The following TECR variants were observed in gnomAD, a reference collection of about 807,000 sequenced individuals.
The protein encoded by TECR is trans-2,3-enoyl-CoA reductase, also known as very-long-chain enoyl-CoA reductase.
In TECR, 19 loss-of-function variants were observed where a neutral mutation model predicts 50.6. The observed-to-expected ratio is 0.38, with a 90% CI of 0.26 to 0.55. The LOEUF is 0.55. Among genes scored for constraint, TECR ranks in the 20% least tolerant of loss-of-function variants. The probability of loss-of-function intolerance (pLI) is 0.79; values close to 1 mark genes in which losing one functional copy is unlikely to be tolerated. For synonymous variants in TECR, 168 were observed against 163.5 expected (o/e 1.03, Z -0.21); for missense variants, 313 against 408.3 (o/e 0.77, Z 2.01).
intron 1 of TECR, chr19:14,562,018 T>G (rs1297763495): frequency 3.7e-6 from 1 of 272,884 alleles, no homozygotes; most frequent in Non-Finnish European, 7.0e-6. Context: ...CCCCTGGGGC[T>G]TTCCCTGTGC....
Position 14,537,033 on chromosome 19 carries a change from G to A in TECR, c.15+7322G>A, listed in dbSNP as rs183336869. 9.5e-3 allele frequency among the ~76,000 whole-genome samples: 1,392 copies of A among 146,768 alleles called. 16 individuals carry two copies. Among genetic ancestry groups the A allele is most frequent in the Admixed American group, 0.014 (209 of 14,440 alleles). On this transcript the variant is annotated intron_variant, in intron 1 of 12. Coordinates refer to ENST00000215567, the MANE Select transcript of TECR (RefSeq NM_138501.6). Reference sequence around the variant, plus strand: ...AGGACGGGGAGGGGTGTCGAGGAGGGGGAGGCGGGTCCCAAGGAGTAGGAG... The same window carrying A: ...AGGACGGGGAGGGGTGTCGAGGAGGAGGAGGCGGGTCCCAAGGAGTAGGAG...
At chr19:14,529,764 CT>C (rs1462951842) in intron 1 of TECR, 53 bp downstream of exon 1, 23 of 1,613,216 alleles carry the variant, frequency 1.4e-5, no homozygotes, top group Non-Finnish European at 1.9e-5. Context: ...ATTCTTTTTC[CT>C]TCTTTGCGGG....
chr19:14,534,573 T>A (rs1023423926), intron 1 of TECR, among the ~76,000 whole-genome samples: 16 of 151,168 alleles, frequency 1.1e-4, no homozygotes, highest in Non-Finnish European at 1.5e-5. Flanking sequence ...GTAGCTGTTA[T>A]TACAGGTGGG....
At chr19:14,543,419 ATTTTTT>A (rs1169742953) in intron 1 of TECR, among the ~76,000 whole-genome samples, 8 of 21,854 alleles carry the variant, frequency 3.7e-4, no homozygotes, top group East Asian at 1.5e-3. Context: ...ATATATATAT[ATTTTTT>A]TTTTTTTTTT....
At chr19:14,562,926 G>A (rs753430647) in intron 2 of TECR, among the ~76,000 whole-genome samples, 2 of 152,038 alleles carry the variant, frequency 1.3e-5, no homozygotes, top group Non-Finnish European at 2.9e-5. Context: ...GGAGAGGAGG[G>A]GCAGAGAAGC....
In TECR at chr19:14,541,534, C is replaced by T. The variant is rs1009494249; in HGVS notation, c.15+11823C>T. Among the ~76,000 whole-genome samples, 5 of 152,198 alleles carry T rather than the reference C, an allele frequency of 3.3e-5. No homozygotes were observed. In the South Asian group the frequency reaches 6.2e-4, roughly 19 times the overall value. On this transcript the variant is annotated intron_variant, in intron 1 of 12. Transcript: ENST00000215567. ...TCATTTGTTCCAACATGTTTTTTCC[C>T]TCTTATCAATGCTAAGAATCGTGGG... is the stretch of plus-strand genomic sequence containing the variant.
chr19:14,549,172 A>G (rs2073403741), intron 1 of TECR, among the ~76,000 whole-genome samples: 1 of 145,126 alleles, frequency 6.9e-6, no homozygotes. Context: ...CTAAGCCATC[A>G]TTACCTTCAC....
chr19:14,531,558 A>G, intron 1 of TECR: 1 of 151,280 alleles, frequency 6.6e-6, no homozygotes, highest in Non-Finnish European at 1.5e-5. Flanking sequence ...GAGTAGCCGG[A>G]ATTACAGTCA....
intron 1 of TECR, among the ~76,000 whole-genome samples, chr19:14,555,830 C>T (rs1568420520): frequency 6.6e-6 from 1 of 152,192 alleles, no homozygotes; most frequent in Non-Finnish European, 1.5e-5. Context: ...AAGTGATCAT[C>T]CTGTCTCAGC....
At chr19:14,546,683 A>T (rs943167227) in intron 1 of TECR, among the ~76,000 whole-genome samples, 2 of 151,862 alleles carry the variant, frequency 1.3e-5, no homozygotes, top group African/African-American at 2.4e-5. Flanking sequence ...CTTAAACATT[A>T]TTTTTTCTTT....
At chr19:14,549,006 G>A (rs2073397091) in intron 1 of TECR, among the ~76,000 whole-genome samples, 1 of 137,492 alleles carries the variant, frequency 7.3e-6, no homozygotes. Flanking sequence ...TCATGAAATA[G>A]GTTTCTTTGA....
rs747503834 is a variant in TECR, at chr19:14,555,438, C to CTT, written c.16-7062_16-7061dup. Among the ~76,000 whole-genome samples, 167 of 92,880 alleles carry CTT rather than the reference C, an allele frequency of 1.8e-3. 5 individuals carry two copies. Among genetic ancestry groups the CTT allele is most frequent in the Non-Finnish European group, 2.8e-3 (129 of 46,820 alleles). 60.9% of individuals were successfully genotyped at this position (92,880 alleles called of 152,430 possible). A position where few individuals can be genotyped will look rare whatever the true frequency, so the allele number is the denominator to read the frequency against. On this transcript the variant is annotated intron_variant, in intron 1 of 12. Coordinates refer to ENST00000215567, the MANE Select transcript of TECR (RefSeq NM_138501.6). ...AAATTTTTTTGTATTTTTATTTATT[C>CTT]TTTTTTTTTTTTTTTTTTTTTTTTT...
rs770143360 is a variant in TECR, at chr19:14,564,008, C to T, written c.294C>T (p.Pro98=). Residue 98 remains proline, a synonymous_variant, in exon 6 of 13, where the codon CCC becomes CCT. Transcript: ENST00000215567. ...VTVFLTEYAG[P]LFIYLLFYFR... ...TCTTCCTAACAGAGTACGCGGGGCC[C>T]CTTTTCATCTACCTGCTCTTCTACT... The T allele has an allele frequency of 1.2e-6, 2 of 1,614,036 alleles. No homozygotes were observed. The highest frequency in any genetic ancestry group is 1.1e-5 in the South Asian group (1 of 91,088).
chr19:14,535,756 C>CAAAAA (rs1161257175), intron 1 of TECR, among the ~76,000 whole-genome samples: 14,725 of 51,728 alleles, frequency 0.28, 2,932 homozygotes, highest in Non-Finnish European at 0.38. Context: ...GACTCTGTCT[C>CAAAAA]AAAAAAAAAA....
In TECR at chr19:14,536,209, T is replaced by C. The variant is rs375262629; in HGVS notation, c.15+6498T>C. 1.1e-4 allele frequency among the ~76,000 whole-genome samples: 17 copies of C among 152,130 alleles called. No homozygotes were observed. In the East Asian group the frequency reaches 1.7e-3, roughly 16 times the overall value. ...TTGGATCAGTGCTAGGCTCATATGC[T>C]TAACTGCCACTGACAAGGTTTGGAG... On this transcript the variant is annotated intron_variant, in intron 1 of 12. Coordinates refer to ENST00000215567, the MANE Select transcript of TECR (RefSeq NM_138501.6).
chr19:14,553,108 CTA>C (rs1228012696), intron 1 of TECR, among the ~76,000 whole-genome samples: 1 of 152,092 alleles, frequency 6.6e-6, no homozygotes, highest in Non-Finnish European at 1.5e-5. Flanking sequence ...TATTCATCCT[CTA>C]TGAATGGCTG....
At chr19:14,562,700 C>T in intron 2 of TECR, 125 bp downstream of exon 2, 2 of 1,117,060 alleles carry the variant, frequency 1.8e-6, no homozygotes, top group Admixed American at 1.8e-5. Context: ...AGGGGTATGC[C>T]CTCACTTGGG....
In TECR at chr19:14,546,846, C is replaced by T. The variant is rs111914613; in HGVS notation, c.16-15679C>T. 7.0e-3 allele frequency among the ~76,000 whole-genome samples: 1,073 copies of T among 152,272 alleles called. 7 individuals carry two copies. The highest frequency in any genetic ancestry group is 0.031 in the South Asian group (150 of 4,820). On this transcript the variant is annotated intron_variant, in intron 1 of 12. Coordinates refer to ENST00000215567, the MANE Select transcript of TECR (RefSeq NM_138501.6). ...CTGGGACTACAGGTGCACACCACTA[C>T]GCCCAGCTAACTTTAGTATTTTTAG...
intron 1 of TECR, among the ~76,000 whole-genome samples, chr19:14,535,100 C>T (rs998460035): frequency 6.6e-6 from 1 of 152,096 alleles, no homozygotes; most frequent in Non-Finnish European, 1.5e-5. Context: ...TGCCTGGGTG[C>T]AGTGGTTCAT....
Sources: gnomAD v4.1 joint callset for allele counts (sites outside exome capture counted in the v4.1 genomes callset) on GRCh38, gnomAD v4.1.1 for gene constraint, MANE v1.5 for transcripts, NCBI Gene and HGNC (gene_info 2026-07-23, HGNC 2026-07-21) for gene names.